The following WNK2 variants were observed in gnomAD, a reference collection of about 807,000 sequenced individuals.
The protein encoded by WNK2 is serine/threonine-protein kinase WNK2.
A neutral mutation model predicts 192.1 loss-of-function variants in WNK2; 67 were observed. That is an observed-to-expected ratio of 0.35 (90% CI 0.29 to 0.43). The LOEUF (loss-of-function observed/expected upper bound fraction) is 0.43. Among genes scored for constraint, WNK2 ranks in the 20% least tolerant of loss-of-function variants. The probability of loss-of-function intolerance (pLI) is 1.00; values close to 1 mark genes in which losing one functional copy is unlikely to be tolerated. For missense variants in WNK2, 2,698 were observed against 3,089.7 expected (o/e 0.87, Z 3.01); for synonymous variants, 1,439 against 1,393.9 (o/e 1.03, Z -0.72).
chr9:93,295,981 T>C (rs1430014195), intron 23 of WNK2, among the ~76,000 whole-genome samples: 5 of 113,744 alleles, frequency 4.4e-5, no homozygotes, highest in African/African-American at 6.8e-5. Context: ...CCCCTCACCA[T>C]CCTCCCTTCA....
Position 93,259,586 on chromosome 9 carries a change from C to CGG in WNK2, c.3038_3039insGG (p.Ala1014ValfsTer101). 6.3e-7 allele frequency: 1 copy of CGG among 1,592,378 alleles called. No homozygotes were observed. The highest frequency in any genetic ancestry group is 8.5e-7 in the Non-Finnish European group (1 of 1,176,610). On this transcript the variant is annotated frameshift_variant, in exon 12 of 30. Coordinates refer to ENST00000427277, the MANE Select transcript of WNK2 (RefSeq NM_006648.4). LOFTEE classifies it high-confidence loss of function. The surrounding 1 kb of genome is among the most constrained non-coding windows in gnomAD (Gnocchi z 4.8). ...CTCCAGCCCCACCTTCCTGAACAAG[C>CGG]TGCTCCAGCTGCTACACCAGGGAGC...
intron 19 of WNK2, among the ~76,000 whole-genome samples, chr9:93,272,454 A>G (rs1160542359): frequency 6.6e-6 from 1 of 152,166 alleles, no homozygotes; most frequent in African/African-American, 2.4e-5. Context: ...AAAAAATTCA[A>G]AGGCCGAGCA....
chr9:93,260,570 C>T (rs1844061589), intron 12 of WNK2, among the ~76,000 whole-genome samples: 1 of 152,184 alleles, frequency 6.6e-6, no homozygotes, highest in African/African-American at 2.4e-5. Flanking sequence ...GCCAGGTGCC[C>T]CCCAGCTCCG....
intron 27 of WNK2, chr9:93,307,222 C>A (rs1386188524): frequency 5.1e-6 from 1 of 197,508 alleles, no homozygotes; most frequent in Non-Finnish European, 1.0e-5. Flanking sequence ...TTGGGCCACT[C>A]ACCTCTCTCT....
At chr9:93,310,203 G>T (rs557172738) in intron 28 of WNK2, among the ~76,000 whole-genome samples, 1 of 152,114 alleles carries the variant, frequency 6.6e-6, no homozygotes, top group Non-Finnish European at 1.5e-5. Context: ...GTACACCTCC[G>T]CCAGTCTGAG....
intron 2 of WNK2, among the ~76,000 whole-genome samples, chr9:93,219,172 C>T (rs925314795): frequency 5.3e-5 from 8 of 152,266 alleles, no homozygotes; most frequent in African/African-American, 1.9e-4. Context: ...ATGGCAGGTG[C>T]CTTGGCACGA....
chr9:93,313,352 G>T (rs1854008045), intron 28 of WNK2, among the ~76,000 whole-genome samples: 1 of 145,536 alleles, frequency 6.9e-6, no homozygotes. Context: ...TTGGGTTATT[G>T]TGTTTTTCAG....
chr9:93,246,601 CTTG>C (rs1841744247), intron 7 of WNK2, among the ~76,000 whole-genome samples: 1 of 152,220 alleles, frequency 6.6e-6, no homozygotes, highest in Non-Finnish European at 1.5e-5. Flanking sequence ...AATATATTTT[CTTG>C]TTTGGTCACT....
intron 8 of WNK2, among the ~76,000 whole-genome samples, chr9:93,249,382 G>A (rs1372365510): frequency 6.6e-6 from 1 of 152,202 alleles, no homozygotes; most frequent in Non-Finnish European, 1.5e-5. Context: ...TTCAGGTGTG[G>A]GTGTTCTCTC....
At chr9:93,218,530 C>T (rs1300251514) in intron 2 of WNK2, among the ~76,000 whole-genome samples, 1 of 152,208 alleles carries the variant, frequency 6.6e-6, no homozygotes, top group Non-Finnish European at 1.5e-5. Flanking sequence ...GGGATGGCCC[C>T]ATGGGGATTT....
At position 93,292,708 on chromosome 9, in the gene WNK2, T is replaced by C. The variant is rs1849554095; in HGVS notation, c.5243T>C (p.Phe1748Ser). The change falls in exon 23 of 30, where the codon TTC (phenylalanine) becomes TCC (serine). Residue 1748 changes from phenylalanine (F) to serine (S), a missense_variant. Around this residue, in one of 7 missense-constraint regions of WNK2, gnomAD observed 1,098 missense variants for 1,101.0 expected, o/e 1.00. Coordinates refer to ENST00000427277, the MANE Select transcript of WNK2 (RefSeq NM_006648.4). ...TCACCAGCCAAGACTGTGGGCCGTT[T>C]CTCGGTGGTCAGCACTCAGGACGAG... Reference protein sequence around the residue: ...VSSPAKTVGRFSVVSTQDEWT... With the variant: ...VSSPAKTVGRSSVVSTQDEWT... 1 of 1,566,420 alleles carries C rather than the reference T, an allele frequency of 6.4e-7. No homozygotes were observed.
intron 8 of WNK2, among the ~76,000 whole-genome samples, chr9:93,248,845 T>C (rs1213446686): frequency 8.5e-5 from 13 of 152,352 alleles, no homozygotes; most frequent in Non-Finnish European, 1.5e-5. Flanking sequence ...TCTGTGAATA[T>C]GCATGGGATA....
At chr9:93,293,518 C>G (rs927095661) in intron 23 of WNK2, among the ~76,000 whole-genome samples, 6 of 152,120 alleles carry the variant, frequency 3.9e-5, no homozygotes, top group African/African-American at 1.4e-4. Flanking sequence ...CGGGGTTTCA[C>G]CATGTTGGCC....
At chr9:93,184,853 G>A (rs1269117327) in intron 1 of WNK2, 75 bp from the exon 2 acceptor site, 15 of 1,178,416 alleles carry the variant, frequency 1.3e-5, no homozygotes, top group Non-Finnish European at 1.6e-5. Context: ...TTAGGGCGGC[G>A]TTGTCTCATC....
intron 19 of WNK2, among the ~76,000 whole-genome samples, chr9:93,286,413 A>G (rs539415107): frequency 6.6e-6 from 1 of 152,318 alleles, no homozygotes; most frequent in East Asian, 1.9e-4. Context: ...AGGAGAAGGT[A>G]CTCAATTGAA....
chr9:93,302,716 C>T (rs1025263833), intron 26 of WNK2, among the ~76,000 whole-genome samples: 2 of 152,102 alleles, frequency 1.3e-5, no homozygotes, highest in African/African-American at 2.4e-5. Context: ...TCCAGAGGCC[C>T]GAGCTGACTC....
chr9:93,222,550 T>C (rs1837098552), intron 2 of WNK2, among the ~76,000 whole-genome samples: 1 of 152,140 alleles, frequency 6.6e-6, no homozygotes, highest in South Asian at 2.1e-4. Context: ...GGGCAGCATC[T>C]GGGACAGGTC....
intron 23 of WNK2, 149 bp downstream of exon 23, chr9:93,293,322 CT>C (rs374773480): frequency 0.21 from 88,027 of 413,066 alleles, 1 homozygote; most frequent in Middle Eastern, 0.27. Context: ...GTGATGAAGG[CT>C]TTTTTTTTTT....
chr9:93,229,176 TGC>T lies in WNK2; in HGVS notation c.682-519_682-518del, dbSNP rs369195098. Among the ~76,000 whole-genome samples, 751 of 152,294 alleles carry T rather than the reference TGC, an allele frequency of 4.9e-3. 3 individuals are homozygous for T. The highest frequency in any genetic ancestry group is 0.025 in the East Asian group (130 of 5,184). On this transcript the variant is annotated intron_variant, in intron 2 of 29. Transcript: ENST00000427277. This position sits in a 1 kb window ranked among gnomAD's most constrained non-coding sequence, Gnocchi z 4.9. Reference sequence around the variant, plus strand: ...TCCTCCTGCACAGGAGGGCCTGGGCTGCCCTCTGGGCTGCTGACTGGTCAGTT... The same window carrying T: ...TCCTCCTGCACAGGAGGGCCTGGGCTCCTCTGGGCTGCTGACTGGTCAGTT...
Sources: gnomAD v4.1 joint callset for allele counts (sites outside exome capture counted in the v4.1 genomes callset) on GRCh38, gnomAD v4.1.1 for gene constraint, gnomAD v4.1.1 regional missense constraint, Gnocchi (gnomAD v3.1) non-coding constraint, MANE v1.5 for transcripts, NCBI Gene and HGNC (gene_info 2026-07-23, HGNC 2026-07-21) for gene names.